The following PLEKHM1 variants were observed in gnomAD, a reference collection of about 807,000 sequenced individuals.
PLEKHM1 encodes pleckstrin homology domain-containing family M member 1.
PLEKHM1 carries 28 observed loss-of-function variants against 94.3 expected under a neutral mutation model. The observed-to-expected ratio is 0.30, with a 90% CI of 0.22 to 0.41. The LOEUF is 0.41. Among genes scored for constraint, PLEKHM1 ranks in the 10% least tolerant of loss-of-function variants. The probability of loss-of-function intolerance (pLI) is 1.00; values close to 1 mark genes in which losing one functional copy is unlikely to be tolerated. For missense variants in PLEKHM1, 907 were observed against 1,358.6 expected (o/e 0.67, Z 5.22); for synonymous variants, 424 against 581.2 (o/e 0.73, Z 3.89).
At chr17:45,447,466 C>T (rs959421998) in intron 8 of PLEKHM1, among the ~76,000 whole-genome samples, 3 of 152,386 alleles carry the variant, frequency 2.0e-5, no homozygotes, top group South Asian at 2.1e-4. Context: ...CAGGAATGTG[C>T]GCTGAACACT....
chr17:45,439,098 C>G (rs1160021590), intron 11 of PLEKHM1, among the ~76,000 whole-genome samples: 1 of 152,246 alleles, frequency 6.6e-6, no homozygotes, highest in Non-Finnish European at 1.5e-5. Context: ...CACCAGGTGC[C>G]ACTTTGTGCC....
chr17:45,483,914 C>T (rs2052032566), intron 1 of PLEKHM1, among the ~76,000 whole-genome samples: 1 of 152,160 alleles, frequency 6.6e-6, no homozygotes, highest in South Asian at 2.1e-4. Flanking sequence ...TTCTAAGCTC[C>T]CCAACTGCCT....
chr17:45,487,030 G>A (rs1459553359), intron 1 of PLEKHM1, among the ~76,000 whole-genome samples: 9 of 152,162 alleles, frequency 5.9e-5, no homozygotes, highest in Middle Eastern at 3.2e-3. Context: ...GAAGAGAGGT[G>A]TGGCTTCAAG....
chr17:45,481,664 G>A (rs1183048246), intron 2 of PLEKHM1, among the ~76,000 whole-genome samples: 1 of 145,158 alleles, frequency 6.9e-6, no homozygotes, highest in Non-Finnish European at 1.5e-5. Flanking sequence ...CACTGGGGGT[G>A]GGAGAGTGGG....
chr17:45,448,730 G>C (rs953995558), intron 8 of PLEKHM1, among the ~76,000 whole-genome samples: 20 of 152,118 alleles, frequency 1.3e-4, no homozygotes, highest in African/African-American at 4.6e-4. Flanking sequence ...TCCTTTTACA[G>C]ATGAGGAAAC....
At chr17:45,487,792 C>A (rs1406150438) in intron 1 of PLEKHM1, 4 of 455,972 alleles carry the variant, frequency 8.8e-6, no homozygotes, top group Non-Finnish European at 1.8e-5. Context: ...CAGTGAACAG[C>A]AACCTCTTCT....
chr17:45,441,690 G>A (rs1305871120), intron 9 of PLEKHM1, among the ~76,000 whole-genome samples: 1 of 152,218 alleles, frequency 6.6e-6, no homozygotes, highest in Non-Finnish European at 1.5e-5. Flanking sequence ...GGCCAGAGGG[G>A]AGAGGGCGCT....
rs1859059 is a variant in PLEKHM1 at position 45,468,387 on chromosome 17, C to T, written c.1130G>A (p.Arg377His). 2.5e-5 allele frequency: 40 copies of T among 1,614,030 alleles called. No homozygotes were observed. Among genetic ancestry groups the T allele is most frequent in the African/African-American group, 6.7e-5 (5 of 74,926 alleles). Residue 377 changes from arginine to histidine, a missense_variant, in exon 5 of 12, where the codon CGT becomes CAT. Coordinates refer to ENST00000430334, the MANE Select transcript of PLEKHM1 (RefSeq NM_014798.3). ...TQDGVHVQEP[R>H]PQAPSPLDLQ... The stretch of plus-strand genomic sequence containing the variant: ...GTCCAGGGGGCTGGGCGCCTGGGGA[C>T]GCGGCTCCTGCACGTGGACACCATC...
At chr17:45,478,257 C>T (rs1597998031) in intron 2 of PLEKHM1, 110 bp from the exon 3 acceptor site, 3 of 1,252,012 alleles carry the variant, frequency 2.4e-6, no homozygotes, top group Non-Finnish European at 1.2e-6. Context: ...CATGCACACA[C>T]ATCTATGTGT....
intron 4 of PLEKHM1, among the ~76,000 whole-genome samples, chr17:45,472,137 G>C (rs2051533540): frequency 2.0e-5 from 3 of 151,916 alleles, no homozygotes; most frequent in Admixed American, 1.3e-4. Context: ...TTTAAATAAT[G>C]TAACAACTTT....
At chr17:45,477,717 G>T in intron 3 of PLEKHM1, 183 bp downstream of exon 3, 1 of 681,980 alleles carries the variant, frequency 1.5e-6, no homozygotes. Context: ...TGGCACACTG[G>T]CTGGGAAGCT....
chr17:45,490,706 C>T lies in PLEKHM1; in HGVS notation c.-96G>A, dbSNP rs1208703279. The T allele has an allele frequency of 6.6e-6, 3 of 451,222 alleles. No individual in the cohort carries two copies. Among genetic ancestry groups the T allele is most frequent in the Non-Finnish European group, 8.9e-6 (2 of 225,062 alleles). The allele number at this position is 451,222 out of a possible 1,614,324, so 28.0% of individuals were successfully genotyped here. A position where few individuals can be genotyped will look rare whatever the true frequency, so the allele number is the denominator to read the frequency against. On this transcript the variant is annotated 5_prime_UTR_variant, in exon 1 of 12. Transcript: ENST00000430334. ...GCTCCCGGCCGCGGCAGCCCCTCAG[C>T]CTCCGAGCCGACGATGCGGTCTCTC...
rs529345646 is a variant in PLEKHM1 at position 45,486,573 on chromosome 17, C to T, written c.-41-4048G>A. The stretch of plus-strand genomic sequence containing the variant: ...TGGGCAACAGAGCGAGACTCCATCT[C>T]AAAAAAAAAAATTAATAATAATAAA... On this transcript the variant is annotated intron_variant, in intron 1 of 11. Coordinates refer to ENST00000430334, the MANE Select transcript of PLEKHM1 (RefSeq NM_014798.3). Among the ~76,000 whole-genome samples, 944 of 142,224 alleles carry T rather than the reference C, an allele frequency of 6.6e-3. 12 individuals carry two copies. Among genetic ancestry groups the T allele is most frequent in the African/African-American group, 0.024 (920 of 38,904 alleles). 93.3% of individuals were successfully genotyped at this position (142,224 alleles called of 152,430 possible). A position where few individuals can be genotyped will look rare whatever the true frequency, so the allele number is the denominator to read the frequency against.
At chr17:45,452,973 T>G (rs778033758) in intron 7 of PLEKHM1, 6 of 387,626 alleles carry the variant, frequency 1.5e-5, no homozygotes, top group South Asian at 2.7e-5. Context: ...AAAAAAAGGG[T>G]GTACACTTAT....
chr17:45,441,780 G>C (rs555714765), intron 9 of PLEKHM1, among the ~76,000 whole-genome samples: 6 of 152,162 alleles, frequency 3.9e-5, no homozygotes, highest in Non-Finnish European at 8.8e-5. Context: ...GGCCTACTTG[G>C]GGCCTCAGTT....
chr17:45,483,153 G>A (rs2052008523), intron 1 of PLEKHM1, among the ~76,000 whole-genome samples: 1 of 151,880 alleles, frequency 6.6e-6, no homozygotes, highest in Non-Finnish European at 1.5e-5. Context: ...GTCTAACCGG[G>A]ATGACCATGA....
At chr17:45,476,459 T>A (rs1285178362) in intron 3 of PLEKHM1, among the ~76,000 whole-genome samples, 1 of 151,882 alleles carries the variant, frequency 6.6e-6, no homozygotes, top group Non-Finnish European at 1.5e-5. Flanking sequence ...AATTACAGCA[T>A]GTGGCGGAAA....
In PLEKHM1 at chr17:45,439,762, AC is replaced by A; in HGVS notation, c.2902-129del. Reference sequence around the variant, plus strand: ...ATGGCACCCTGCCTGGAGAACTTCTACCCCCCGTTTCCACACGGGCAAGAAA... The same window carrying A: ...ATGGCACCCTGCCTGGAGAACTTCTACCCCCGTTTCCACACGGGCAAGAAA... On this transcript the variant is annotated intron_variant, in intron 10 of 11. Transcript: ENST00000430334. The A allele has an allele frequency of 2.4e-6, 3 of 1,249,700 alleles. 1 individual carries two copies. Among genetic ancestry groups the A allele is most frequent in the Non-Finnish European group, 3.4e-6 (3 of 869,592 alleles). 77.4% of individuals were successfully genotyped at this position (1,249,700 alleles called of 1,614,324 possible). A position where few individuals can be genotyped will look rare whatever the true frequency, so the allele number is the denominator to read the frequency against.
At chr17:45,450,955 AACTATCATTATTTT>A (rs963213594) in intron 7 of PLEKHM1, among the ~76,000 whole-genome samples, 192 bp from the exon 8 acceptor site, 3 of 141,486 alleles carry the variant, frequency 2.1e-5, no homozygotes, top group Non-Finnish European at 3.1e-5. Context: ...ACACTGTAAG[AACTATCATTATTTT>A]ACAGCTGAAG....
Sources: allele counts gnomAD v4.1 joint callset (sites outside exome capture counted in the v4.1 genomes callset), GRCh38; gene constraint gnomAD v4.1.1; transcripts MANE v1.5; gene names NCBI Gene and HGNC (gene_info 2026-07-23, HGNC 2026-07-21).